The following SLC29A4 variants were observed in gnomAD, a reference collection of about 807,000 sequenced individuals.
SLC29A4 encodes equilibrative nucleoside transporter 4.
Under a neutral mutation model 43.9 loss-of-function variants are expected in SLC29A4, and 36 were observed. That is an observed-to-expected ratio of 0.82 (90% CI 0.63 to 1.08). SLC29A4 has a LOEUF of 1.08. Among genes scored for constraint, SLC29A4 ranks in the 50% least tolerant of loss-of-function variants. The probability of loss-of-function intolerance (pLI) is 0.00; values close to 1 mark genes in which losing one functional copy is unlikely to be tolerated. For synonymous variants in SLC29A4, 491 were observed against 338.0 expected (o/e 1.45, Z -4.97); for missense variants, 869 against 755.3 (o/e 1.15, Z -1.77).
intron 5 of SLC29A4, 32 bp downstream of exon 5, chr7:5,291,853 A>G: frequency 1.9e-6 from 3 of 1,603,326 alleles, no homozygotes; most frequent in Non-Finnish European, 2.6e-6. Context: ...GGAGGCCTTG[A>G]GTGCCCACTT....
chr7:5,300,454 C>T lies in SLC29A4; in HGVS notation c.1242C>T (p.Gly414=), dbSNP rs761876584. 6.2e-7 allele frequency: 1 copy of T among 1,610,268 alleles called. No homozygotes were observed. The highest frequency in any genetic ancestry group is 2.2e-5 in the East Asian group (1 of 44,794). Residue 414 remains glycine (G), a synonymous_variant, in exon 10 of 11, where the codon GGC becomes GGT. Coordinates refer to ENST00000396872, the MANE Select transcript of SLC29A4 (RefSeq NM_153247.4). Reference sequence around the variant, plus strand: ...CAGCCCTGCCCGTGGACTGGCGGGGCACCCACCTGCTGGCCTGCTCCTGCC... The same window carrying T: ...CAGCCCTGCCCGTGGACTGGCGGGGTACCCACCTGCTGGCCTGCTCCTGCC... ...ILAALPVDWR[G]THLLACSCLR...
chr7:5,296,845 AG>A (rs1785709526), intron 6 of SLC29A4, 90 bp from the exon 7 acceptor site: 6 of 1,176,418 alleles, frequency 5.1e-6, no homozygotes, highest in Non-Finnish European at 6.3e-6. Context: ...GCCGGTGGGG[AG>A]GGGTCTGTGT....
Position 5,296,935 on chromosome 7 carries a change from G to T in SLC29A4, c.620-1G>T. On this transcript the variant is annotated splice_acceptor_variant, in intron 6 of 10. Transcript: ENST00000396872. LOFTEE classifies it high-confidence loss of function. ...CCCGGCCCACTGTGCACGCCCCCCA[G>T]GCACGGCGGGCGTGATGATCTCTCT... is the stretch of plus-strand genomic sequence containing the variant. 6.5e-7 allele frequency: 1 copy of T among 1,528,520 alleles called. No individual in the cohort carries two copies. The highest frequency in any genetic ancestry group is 8.9e-7 in the Non-Finnish European group (1 of 1,126,382). The allele number at this position is 1,528,520 out of a possible 1,614,324, so 94.7% of individuals were successfully genotyped here.
intron 1 of SLC29A4, among the ~76,000 whole-genome samples, chr7:5,283,518 G>A (rs1397366919): frequency 6.6e-6 from 1 of 152,176 alleles, no homozygotes; most frequent in African/African-American, 2.4e-5. Context: ...GCCTGGGGGC[G>A]CAGGTCCGCG....
chr7:5,298,725 A>G (rs1254085163), intron 7 of SLC29A4, among the ~76,000 whole-genome samples: 2 of 152,146 alleles, frequency 1.3e-5, no homozygotes, highest in Non-Finnish European at 2.9e-5. Flanking sequence ...GCCTGAGCCC[A>G]GGAAGTTGAG....
chr7:5,300,508 C>G lies in SLC29A4; in HGVS notation c.1296C>G (p.Ile432Met). 6.2e-7 allele frequency: 1 copy of G among 1,612,132 alleles called. No homozygotes were observed. The highest frequency in any genetic ancestry group is 8.5e-7 in the Non-Finnish European group (1 of 1,179,782). Reference sequence around the variant, plus strand: ...GTGTGGTCTTCATCCCCCTCTTCATCCTGTGCGTCTACCCCAGCGGCATGC... The same window carrying G: ...GTGTGGTCTTCATCCCCCTCTTCATGCTGTGCGTCTACCCCAGCGGCATGC... ...CLRVVFIPLF[I>M]LCVYPSGMPA... The change falls in exon 10 of 11, where the codon ATC becomes ATG. Residue 432 changes from isoleucine (I) to methionine (M), a missense_variant. Coordinates refer to ENST00000396872, the MANE Select transcript of SLC29A4 (RefSeq NM_153247.4).
At chr7:5,292,764 T>C (rs1785390188) in intron 5 of SLC29A4, among the ~76,000 whole-genome samples, 1 of 129,660 alleles carries the variant, frequency 7.7e-6, no homozygotes, top group South Asian at 2.8e-4. Flanking sequence ...AGTGGCACCA[T>C]CTCAACTCAC....
chr7:5,298,054 C>T (rs928281242), intron 7 of SLC29A4, among the ~76,000 whole-genome samples: 5 of 152,198 alleles, frequency 3.3e-5, no homozygotes, highest in Admixed American at 1.3e-4. Flanking sequence ...TCAGGAGTGC[C>T]AGGCCATGCA....
chr7:5,283,807 C>T (rs182903991), intron 1 of SLC29A4, among the ~76,000 whole-genome samples: 214 of 152,340 alleles, frequency 1.4e-3, no homozygotes, highest in Middle Eastern at 3.4e-3. Context: ...GGGCTGGTGA[C>T]TGAGCCGGGA....
intron 10 of SLC29A4, 143 bp downstream of exon 10, chr7:5,300,805 TG>T (rs1786109783): frequency 8.6e-7 from 1 of 1,163,106 alleles, no homozygotes; most frequent in Admixed American, 3.0e-5. Context: ...GCCGTAGGTG[TG>T]GGGACATTCT....
intron 5 of SLC29A4, 85 bp from the exon 6 acceptor site, chr7:5,294,775 C>T: frequency 2.8e-6 from 4 of 1,410,748 alleles, no homozygotes; most frequent in Non-Finnish European, 4.0e-6. Flanking sequence ...CACCCTCGTC[C>T]ACCAACACAG....
chr7:5,291,989 G>GAGCAC (rs1562445960), intron 5 of SLC29A4, among the ~76,000 whole-genome samples, 168 bp downstream of exon 5: 1 of 151,882 alleles, frequency 6.6e-6, no homozygotes, highest in Non-Finnish European at 1.5e-5. Flanking sequence ...CACACCCACA[G>GAGCAC]GAGCCTGTGT....
chr7:5,303,835 A>C lies in SLC29A4; in HGVS notation c.*896A>C, dbSNP rs961798088. 2.0e-5 allele frequency: 3 copies of C among 152,198 alleles called. No individual in the cohort carries two copies. The highest frequency in any genetic ancestry group is 4.4e-5 in the Non-Finnish European group (3 of 68,062). The allele number at this position is 152,198 out of a possible 1,614,324, so 9.4% of individuals were successfully genotyped here. On this transcript the variant is annotated 3_prime_UTR_variant, in exon 11 of 11. Coordinates refer to ENST00000396872, the MANE Select transcript of SLC29A4 (RefSeq NM_153247.4). ...GTAGGGAGGGGCTGGGGGTCAGTCC[A>C]GCCCGGGCCTCCCAGAACACCAGGC...
chr7:5,288,197 T>C (rs1385310801), intron 2 of SLC29A4, among the ~76,000 whole-genome samples: 2 of 151,774 alleles, frequency 1.3e-5, no homozygotes, highest in Admixed American at 6.6e-5. Flanking sequence ...CTGGGGGCCC[T>C]GCCGACAGCC....
At chr7:5,297,449 G>T (rs12534890) in intron 7 of SLC29A4, among the ~76,000 whole-genome samples, 16,257 of 152,294 alleles carry the variant, frequency 0.11, 1,200 homozygotes, top group Admixed American at 0.2. Flanking sequence ...GATCTGCCCA[G>T]CTGCTGTGCC....
chr7:5,288,149 C>T (rs1202786303), intron 2 of SLC29A4, among the ~76,000 whole-genome samples, 164 bp downstream of exon 2: 2 of 152,142 alleles, frequency 1.3e-5, no homozygotes, highest in Non-Finnish European at 2.9e-5. Context: ...AACACGCCCA[C>T]CTTCTCAGTG....
At chr7:5,297,836 C>T (rs1165129430) in intron 7 of SLC29A4, among the ~76,000 whole-genome samples, 4 of 152,166 alleles carry the variant, frequency 2.6e-5, no homozygotes, top group African/African-American at 4.8e-5. Context: ...CCTGGCTCTG[C>T]TGGGCTTCCC....
chr7:5,297,648 TCC>T (rs1785805329), intron 7 of SLC29A4, among the ~76,000 whole-genome samples: 2 of 152,166 alleles, frequency 1.3e-5, no homozygotes, highest in Non-Finnish European at 2.9e-5. Flanking sequence ...CTCACAGCCT[TCC>T]TCCCTAGAGT....
chr7:5,290,303 T>A (rs146194011), intron 2 of SLC29A4, among the ~76,000 whole-genome samples: 1 of 152,282 alleles, frequency 6.6e-6, no homozygotes, highest in East Asian at 1.9e-4. Context: ...GACCTCGTGA[T>A]CCGCCCGTCT....
Sources: gnomAD v4.1 joint callset for allele counts (sites outside exome capture counted in the v4.1 genomes callset) on GRCh38, gnomAD v4.1.1 for gene constraint, MANE v1.5 for transcripts, NCBI Gene and HGNC (gene_info 2026-07-23, HGNC 2026-07-21) for gene names.